The following PTPRN2 variants were observed in gnomAD, a reference collection of about 807,000 sequenced individuals.
PTPRN2 encodes the protein receptor-type tyrosine-protein phosphatase N2.
A neutral mutation model predicts 118.8 loss-of-function variants in PTPRN2; 74 were observed. That is an observed-to-expected ratio of 0.62 (90% confidence interval 0.52 to 0.76). The LOEUF is 0.76. Ranked by LOEUF, PTPRN2 falls within the 30% of genes least tolerant of loss-of-function variation. PTPRN2 has a pLI of 0.00. For missense variants in PTPRN2, 1,481 were observed against 1,394.4 expected (o/e 1.06, Z -0.99); for synonymous variants, 641 against 608.0 (o/e 1.05, Z -0.80).
At chr7:157,713,591 C>T (rs1441864005) in intron 12 of PTPRN2, among the ~76,000 whole-genome samples, 3 of 152,174 alleles carry the variant, frequency 2.0e-5, no homozygotes, top group Non-Finnish European at 4.4e-5. Context: ...CCGGCTCCCT[C>T]CCCGTCACTG....
At chr7:158,131,101 A>G (rs988067279) in intron 9 of PTPRN2, among the ~76,000 whole-genome samples, 45 of 151,228 alleles carry the variant, frequency 3.0e-4, no homozygotes, top group African/African-American at 1.1e-3. Flanking sequence ...ATACACAGAT[A>G]CACATCTACC....
chr7:157,952,929 C>T (rs762670805), intron 11 of PTPRN2, among the ~76,000 whole-genome samples: 21 of 152,110 alleles, frequency 1.4e-4, no homozygotes, highest in Admixed American at 6.5e-4. Context: ...ATCACCGAGA[C>T]GTCAGCACGG....
intron 15 of PTPRN2, among the ~76,000 whole-genome samples, chr7:157,613,867 C>T (rs1324506141): frequency 6.6e-6 from 1 of 152,314 alleles, no homozygotes; most frequent in Admixed American, 6.5e-5. Flanking sequence ...TGCCGGGACT[C>T]GGGGTCTCTC....
chr7:158,149,092 A>G (rs1820587192), intron 6 of PTPRN2, among the ~76,000 whole-genome samples: 2 of 146,428 alleles, frequency 1.4e-5, no homozygotes, highest in African/African-American at 5.1e-5. Context: ...CTGACACCCC[A>G]TCTCACGCCA....
chr7:157,543,752 A>G lies in PTPRN2; in HGVS notation c.2977-2967T>C, dbSNP rs549707505. Among the ~76,000 whole-genome samples the G allele has an allele frequency of 7.2e-5, 11 of 152,364 alleles. No homozygotes were observed. In the East Asian group the frequency reaches 9.6e-4, roughly 13 times the overall value. ...CTGTGCCCTCCAGGAGGCTGCACAC[A>G]TAACTGCGGGGCAGCTTCCCCCAGC... On this transcript the variant is annotated intron_variant, in intron 22 of 22. Coordinates refer to ENST00000389418, the MANE Select transcript of PTPRN2 (RefSeq NM_002847.5).
chr7:157,797,997 G>C (rs934729605), intron 12 of PTPRN2, among the ~76,000 whole-genome samples: 3 of 152,180 alleles, frequency 2.0e-5, no homozygotes, highest in Non-Finnish European at 4.4e-5. Context: ...CGTGGCTCAT[G>C]CCTGTAATCC....
intron 3 of PTPRN2, among the ~76,000 whole-genome samples, chr7:158,305,543 T>G (rs1399693713): frequency 3.3e-5 from 5 of 151,980 alleles, no homozygotes; most frequent in Admixed American, 1.3e-4. Context: ...AAGATCACAC[T>G]TAAATCAAAC....
intron 1 of PTPRN2, among the ~76,000 whole-genome samples, chr7:158,523,696 A>T (rs1212395703): frequency 7.4e-6 from 1 of 134,370 alleles, no homozygotes; most frequent in African/African-American, 2.9e-5. Flanking sequence ...TCTGCCCTGG[A>T]GTGGAGTCGT....
intron 12 of PTPRN2, among the ~76,000 whole-genome samples, chr7:157,688,706 T>C (rs1190906268): frequency 6.6e-6 from 1 of 152,068 alleles, no homozygotes. Context: ...CTACCCGGAC[T>C]CAGAAGCCCC....
chr7:157,924,895 A>G (rs1446088082), intron 11 of PTPRN2, among the ~76,000 whole-genome samples: 33 of 143,632 alleles, frequency 2.3e-4, no homozygotes, highest in East Asian at 4.4e-4. Context: ...ATTGAAATGT[A>G]GTCAGGATGC....
chr7:158,317,893 G>A (rs960547584), intron 2 of PTPRN2, among the ~76,000 whole-genome samples: 2 of 152,212 alleles, frequency 1.3e-5, no homozygotes, highest in Non-Finnish European at 2.9e-5. Context: ...ACGGGGCCGG[G>A]TGATTAGCAG....
chr7:157,543,326 C>T (rs1798102267), intron 22 of PTPRN2, among the ~76,000 whole-genome samples: 1 of 152,226 alleles, frequency 6.6e-6, no homozygotes, highest in Non-Finnish European at 1.5e-5. Flanking sequence ...GAGAAAGATC[C>T]CACGGCTTCT....
At chr7:158,133,081 GTTC>G (rs1818505898) in intron 9 of PTPRN2, among the ~76,000 whole-genome samples, 2 of 152,222 alleles carry the variant, frequency 1.3e-5, no homozygotes, top group African/African-American at 4.8e-5. Flanking sequence ...GACTCGTTAA[GTTC>G]AGATCGACAT....
chr7:158,450,812 C>T (rs1262023830), intron 2 of PTPRN2, among the ~76,000 whole-genome samples: 1 of 152,262 alleles, frequency 6.6e-6, no homozygotes, highest in Non-Finnish European at 1.5e-5. Flanking sequence ...CTACGCGCTT[C>T]CTTGCGCATC....
intron 12 of PTPRN2, among the ~76,000 whole-genome samples, chr7:157,804,616 G>A (rs1386340564): frequency 6.6e-6 from 1 of 152,090 alleles, no homozygotes; most frequent in African/African-American, 2.4e-5. Flanking sequence ...TGACACATAA[G>A]GTGAGGACCC....
At position 158,434,344 on chromosome 7, in the gene PTPRN2, A is replaced by G. The variant is rs73522513; in HGVS notation, c.163+55391T>C. Among the ~76,000 whole-genome samples the G allele has an allele frequency of 4.6e-3, 699 of 152,312 alleles. 9 individuals carry two copies. Among genetic ancestry groups the G allele is most frequent in the African/African-American group, 0.016 (673 of 41,576 alleles). On this transcript the variant is annotated intron_variant, in intron 2 of 22. Transcript: ENST00000389418. ...AATTATCTCAATATTTGCTTTATAC[A>G]TTTGAAAATTATATCAGGTGCATCA...
At chr7:158,306,864 T>TG (rs1371843724) in intron 3 of PTPRN2, among the ~76,000 whole-genome samples, 1 of 137,166 alleles carries the variant, frequency 7.3e-6, no homozygotes, top group South Asian at 2.3e-4. Flanking sequence ...TGTTTTTTTT[T>TG]TTTTTTTTTT....
chr7:158,446,855 C>A (rs931586462), intron 2 of PTPRN2, among the ~76,000 whole-genome samples: 3 of 152,238 alleles, frequency 2.0e-5, no homozygotes, highest in Non-Finnish European at 2.9e-5. Context: ...CCGGAACCCA[C>A]CTCAAATCTG....
chr7:158,381,061 C>G (rs763799524), intron 2 of PTPRN2, among the ~76,000 whole-genome samples: 24 of 152,226 alleles, frequency 1.6e-4, no homozygotes, highest in Non-Finnish European at 2.2e-4. Flanking sequence ...CCACTTTTTC[C>G]TCCTGGGCCT....
Sources: allele counts gnomAD v4.1 joint callset (sites outside exome capture counted in the v4.1 genomes callset), GRCh38; gene constraint gnomAD v4.1.1; transcripts MANE v1.5; gene names NCBI Gene and HGNC (gene_info 2026-07-23, HGNC 2026-07-21).